ITGAM: variants seen among roughly 807,000 people sequenced by gnomAD.
The protein encoded by ITGAM is integrin subunit alpha M.
Under a neutral mutation model 137.5 loss-of-function variants are expected in ITGAM, and 79 were observed. That is an observed-to-expected ratio of 0.57 (90% CI 0.48 to 0.69). The LOEUF is 0.69. Among genes scored for constraint, ITGAM ranks in the 30% least tolerant of loss-of-function variants. The pLI is 0.00. For missense variants in ITGAM, 1,343 were observed against 1,483.5 expected (o/e 0.91, Z 1.56); for synonymous variants, 583 against 592.3 (o/e 0.98, Z 0.23).
At chr16:31,306,487 C>CT (rs2080266095) in intron 14 of ITGAM, among the ~76,000 whole-genome samples, 1 of 151,384 alleles carries the variant, frequency 6.6e-6, no homozygotes, top group Admixed American at 6.6e-5. Context: ...ATGGCAATAT[C>CT]TATTAGCAAT....
rs2080498372 is a variant in ITGAM at position 31,325,416 on chromosome 16, C to A, written c.2505+12C>A. The A allele has an allele frequency of 6.2e-7, 1 of 1,612,442 alleles. No homozygotes were observed. The highest frequency in any genetic ancestry group is 8.5e-7 in the Non-Finnish European group (1 of 1,179,058). On this transcript the variant is annotated intron_variant, in intron 20 of 29. Transcript: ENST00000544665. The stretch of plus-strand genomic sequence containing the variant: ...TGTCCACGCTCCAGGTAGCCACATC[C>A]TTCTCAGGCTCTATCTGACCTTTGC...
chr16:31,315,460 T>A (rs910032752), intron 14 of ITGAM, among the ~76,000 whole-genome samples: 6 of 152,130 alleles, frequency 3.9e-5, no homozygotes, highest in Non-Finnish European at 5.9e-5. Flanking sequence ...TTTTATTTTT[T>A]AATTTAATTT....
At chr16:31,284,214 C>A (rs2080002358) in intron 12 of ITGAM, among the ~76,000 whole-genome samples, 1 of 152,158 alleles carries the variant, frequency 6.6e-6, no homozygotes, top group Admixed American at 6.5e-5. Flanking sequence ...GTTCTCAGAT[C>A]CAAGCTGCAT....
chr16:31,292,921 C>G (rs2080100858), intron 12 of ITGAM, among the ~76,000 whole-genome samples: 1 of 151,996 alleles, frequency 6.6e-6, no homozygotes, highest in Non-Finnish European at 1.5e-5. Flanking sequence ...ACCTCACCAG[C>G]ATCTATTTTT....
rs1264566957 is a variant in ITGAM at position 31,325,488 on chromosome 16, C to G, written c.2506-12C>G. On this transcript the variant is annotated splice_polypyrimidine_tract_variant and intron_variant, in intron 20 of 29. Transcript: ENST00000544665. Reference sequence around the variant, plus strand: ...GGTGGATATCACCGCCTTTGCCTCCCCTGCCTTCCAGAACCAGCGCTCACA... The same window carrying G: ...GGTGGATATCACCGCCTTTGCCTCCGCTGCCTTCCAGAACCAGCGCTCACA... 6.2e-7 allele frequency: 1 copy of G among 1,613,906 alleles called. No individual in the cohort carries two copies. The highest frequency in any genetic ancestry group is 8.5e-7 in the Non-Finnish European group (1 of 1,179,840).
At chr16:31,278,323 G>A (rs1447192556) in intron 12 of ITGAM, among the ~76,000 whole-genome samples, 3 of 152,152 alleles carry the variant, frequency 2.0e-5, no homozygotes, top group Non-Finnish European at 4.4e-5. Context: ...CCTGTACAGA[G>A]CTCTCTATGG....
At chr16:31,263,168 T>C (rs1015077438) in intron 2 of ITGAM, among the ~76,000 whole-genome samples, 10 of 152,194 alleles carry the variant, frequency 6.6e-5, no homozygotes, top group Non-Finnish European at 1.2e-4. Context: ...CTTGAACTCC[T>C]GAGCTCAGGT....
At chr16:31,279,739 T>G (rs140615691) in intron 12 of ITGAM, among the ~76,000 whole-genome samples, 21,131 of 152,184 alleles carry the variant, frequency 0.14, 1,633 homozygotes, top group South Asian at 0.2. Context: ...GCTCTTTAGT[T>G]TAATTAGATC....
In ITGAM at chr16:31,331,246, C is replaced by G. The variant is rs751448132; in HGVS notation, c.3358C>G (p.Leu1120Val). 6.2e-7 allele frequency: 1 copy of G among 1,612,838 alleles called. No homozygotes were observed. The highest frequency in any genetic ancestry group is 1.7e-5 in the Admixed American group (1 of 59,970). The change falls in exon 29 of 30, where the codon CTG (leucine) becomes GTG (valine). Residue 1120 changes from leucine to valine, a missense_variant. Coordinates refer to ENST00000544665, the MANE Select transcript of ITGAM (RefSeq NM_000632.4). ...VGSSVGGLLL[L>V]ALITAALYKL... ...CAGCTCTGTCGGGGGACTGCTGCTC[C>G]TGGCCCTCATCACCGCCGCGCTGTA...
intron 12 of ITGAM, among the ~76,000 whole-genome samples, chr16:31,289,160 C>T (rs1382072416): frequency 6.6e-6 from 1 of 152,124 alleles, no homozygotes; most frequent in East Asian, 1.9e-4. Flanking sequence ...GTTGGTGGGA[C>T]TGTAAACTAG....
chr16:31,266,675 A>G (rs1419966067), intron 5 of ITGAM, among the ~76,000 whole-genome samples: 2 of 151,870 alleles, frequency 1.3e-5, no homozygotes, highest in African/African-American at 4.8e-5. Flanking sequence ...GCACCACTGT[A>G]CTCCAACCTG....
chr16:31,324,446 C>T lies in ITGAM; in HGVS notation c.2050C>T (p.Arg684Cys), dbSNP rs1409315332. ...TTATGACCTGGCTCTGGACTCCGGC[C>T]GCCCACATTCCCGCGCCGTCTTCAA... ...VTYDLALDSG[R>C]PHSRAVFNET... is the part of the protein sequence containing the mutation. The change falls in exon 17 of 30, where the codon CGC (arginine) becomes TGC (cysteine). Residue 684 changes from arginine to cysteine, a missense_variant. Coordinates refer to ENST00000544665, the MANE Select transcript of ITGAM (RefSeq NM_000632.4). This position sits in a 1 kb window ranked among gnomAD's most constrained non-coding sequence, Gnocchi z 4.5. The T allele has an allele frequency of 1.7e-5, 27 of 1,556,972 alleles. 1 individual carries two copies. Among genetic ancestry groups the T allele is most frequent in the Non-Finnish European group, 2.3e-5 (26 of 1,150,408 alleles).
At chr16:31,290,200 C>A (rs542670398) in intron 12 of ITGAM, among the ~76,000 whole-genome samples, 1 of 150,860 alleles carries the variant, frequency 6.6e-6, no homozygotes, top group South Asian at 2.1e-4. Flanking sequence ...TCAAAACTTA[C>A]AAAGCCATCA....
chr16:31,325,359 C>G lies in ITGAM; in HGVS notation c.2460C>G (p.Phe820Leu). Residue 820 changes from phenylalanine (F) to leucine (L), a missense_variant, in exon 20 of 30, where the codon TTC becomes TTG. Physicochemically the swap from Phe to Leu is conservative, Grantham distance 22. Transcript: ENST00000544665. ...GEDSYRTQVT[F>L]FFPLDLSYRK... ...ACTCCTACAGGACACAGGTCACCTTCTTCTTCCCGCTTGACCTGTCCTACC... is the reference window on the plus strand; with the variant it reads ...ACTCCTACAGGACACAGGTCACCTTGTTCTTCCCGCTTGACCTGTCCTACC... 7 of 1,613,938 alleles carry G rather than the reference C, an allele frequency of 4.3e-6. No individual in the cohort carries two copies. The highest frequency in any genetic ancestry group is 5.9e-6 in the Non-Finnish European group (7 of 1,179,816).
chr16:31,311,396 G>A lies in ITGAM; in HGVS notation c.1708-9845G>A, dbSNP rs568108924. On this transcript the variant is annotated intron_variant, in intron 14 of 29. Coordinates refer to ENST00000544665, the MANE Select transcript of ITGAM (RefSeq NM_000632.4). ...TTGCAACCTACTCATCTGACAAAGG[G>A]GTAATATCCAGAATCTACAATGAAC... Among the ~76,000 whole-genome samples the A allele has an allele frequency of 8.5e-5, 13 of 152,058 alleles. No individual in the cohort carries two copies. In the East Asian group the frequency reaches 2.5e-3, roughly 29 times the overall value.
At position 31,321,662 on chromosome 16, in the gene ITGAM, C is replaced by T. The variant is rs576462346; in HGVS notation, c.2002+35C>T. 45 of 1,600,522 alleles carry T rather than the reference C, an allele frequency of 2.8e-5. 1 individual carries two copies. Among genetic ancestry groups the T allele is most frequent in the East Asian group, 1.1e-4 (5 of 44,840 alleles). On this transcript the variant is annotated intron_variant, in intron 16 of 29. Transcript: ENST00000544665. ...GGTGGATGAGTCTCAAGAGGTTAAA[C>T]GACCGAGGACATGAATGGGTGCTGC...
chr16:31,272,968 G>A (rs1450987649), intron 7 of ITGAM, among the ~76,000 whole-genome samples: 2 of 151,938 alleles, frequency 1.3e-5, no homozygotes, highest in East Asian at 3.9e-4. Context: ...AGCTGTATCT[G>A]TGTCTGGGAC....
intron 12 of ITGAM, among the ~76,000 whole-genome samples, chr16:31,294,970 T>G (rs2080119359): frequency 6.6e-6 from 1 of 152,212 alleles, no homozygotes; most frequent in South Asian, 2.1e-4. Context: ...CACCATTTGT[T>G]GAAGAGAATG....
rs191980529 is a variant in ITGAM at position 31,292,554 on chromosome 16, C to T, written c.1357-4960C>T. ...TCTTGTGTTAGTTTGCTAAGGATAA[C>T]GGCCTTCAGCTCCATCCATGTTCCC... On this transcript the variant is annotated intron_variant, in intron 12 of 29. Transcript: ENST00000544665. Among the ~76,000 whole-genome samples the T allele has an allele frequency of 4.3e-3, 649 of 152,144 alleles. 6 individuals are homozygous for T. The highest frequency in any genetic ancestry group is 0.014 in the African/African-American group (602 of 41,524).
Sources: allele counts gnomAD v4.1 joint callset (sites outside exome capture counted in the v4.1 genomes callset), GRCh38; gene constraint gnomAD v4.1.1; non-coding constraint Gnocchi (gnomAD v3.1); transcripts MANE v1.5; gene names NCBI Gene and HGNC (gene_info 2026-07-23, HGNC 2026-07-21).